The following PTPRD variants were observed in gnomAD, a reference collection of about 807,000 sequenced individuals.
PTPRD encodes protein tyrosine phosphatase receptor type D.
A neutral mutation model predicts 214.5 loss-of-function variants in PTPRD; 34 were observed. The ratio of observed to expected loss-of-function variants is 0.16; its 90% CI spans 0.12 to 0.21. The LOEUF is 0.21. PTPRD is among the 10% of genes least tolerant of loss of function. PTPRD has a pLI of 1.00. For synonymous variants in PTPRD, 1,128 were observed against 845.7 expected (o/e 1.33, Z -5.79); for missense variants, 2,545 against 2,398.7 (o/e 1.06, Z -1.27).
intron 14 of PTPRD, among the ~76,000 whole-genome samples, chr9:8,551,054 T>C (rs1350347416): frequency 1.3e-5 from 2 of 152,214 alleles, no homozygotes; most frequent in East Asian, 1.9e-4. Flanking sequence ...CAAATCCCTA[T>C]GAAAACATAT....
chr9:9,311,914 C>A (rs1959130778), intron 9 of PTPRD, among the ~76,000 whole-genome samples: 1 of 152,120 alleles, frequency 6.6e-6, no homozygotes, highest in Non-Finnish European at 1.5e-5. Context: ...TAATCTTGCA[C>A]ATTAACTTTT....
chr9:9,560,229 A>G (rs767652850), intron 8 of PTPRD, among the ~76,000 whole-genome samples: 9 of 152,162 alleles, frequency 5.9e-5, no homozygotes, highest in Non-Finnish European at 1.3e-4. Context: ...CAGGCACTAG[A>G]GGAAGTACAC....
chr9:9,267,226 G>T (rs1461108882), intron 9 of PTPRD, among the ~76,000 whole-genome samples: 1 of 150,860 alleles, frequency 6.6e-6, no homozygotes, highest in Non-Finnish European at 1.5e-5. Flanking sequence ...TGAAAGAAGA[G>T]ACATTACAAT....
chr9:8,619,741 C>T (rs749055665), intron 14 of PTPRD, among the ~76,000 whole-genome samples: 16 of 151,876 alleles, frequency 1.1e-4, no homozygotes, highest in Non-Finnish European at 2.2e-4. Context: ...TCAGCAGCCC[C>T]TCTTGGTGGA....
intron 7 of PTPRD, among the ~76,000 whole-genome samples, chr9:9,695,981 G>A (rs115564289): frequency 9.7e-4 from 147 of 152,060 alleles, no homozygotes; most frequent in African/African-American, 3.0e-3. Flanking sequence ...GTGTTAGTTC[G>A]TAAATATTGG....
chr9:10,609,695 G>C (rs528801066), intron 2 of PTPRD, among the ~76,000 whole-genome samples: 4 of 152,044 alleles, frequency 2.6e-5, no homozygotes, highest in Non-Finnish European at 5.9e-5. Context: ...AAAGAATAAA[G>C]CAAAAAAAGT....
chr9:10,003,443 T>C lies in PTPRD; in HGVS notation c.-472+30275A>G, dbSNP rs183448114. 1.9e-3 allele frequency among the ~76,000 whole-genome samples: 282 copies of C among 151,858 alleles called. 2 individuals are homozygous for C. Among genetic ancestry groups the C allele is most frequent in the African/African-American group, 6.3e-3 (260 of 41,528 alleles). On this transcript the variant is annotated intron_variant, in intron 4 of 45. Coordinates refer to ENST00000381196, the MANE Select transcript of PTPRD (RefSeq NM_002839.4). ...TTAAGAAAAATGGGTTGGAGATGAA[T>C]TAAGATTGAATATATATGAATCCAA...
chr9:9,567,858 A>T (rs1247364240), intron 8 of PTPRD, among the ~76,000 whole-genome samples: 1 of 151,958 alleles, frequency 6.6e-6, no homozygotes, highest in African/African-American at 2.4e-5. Context: ...GATAGAAGAG[A>T]TGTGAAAAGG....
intron 35 of PTPRD, among the ~76,000 whole-genome samples, chr9:8,435,138 G>A (rs1263655002): frequency 2.0e-5 from 3 of 152,200 alleles, no homozygotes; most frequent in Non-Finnish European, 4.4e-5. Flanking sequence ...GGCTCTTGAG[G>A]GTGGAGGTGA....
At chr9:8,756,291 G>A (rs758567402) in intron 11 of PTPRD, among the ~76,000 whole-genome samples, 1 of 152,122 alleles carries the variant, frequency 6.6e-6, no homozygotes, top group Non-Finnish European at 1.5e-5. Context: ...TTATATAATA[G>A]ATTTGCTAGG....
chr9:9,231,065 G>A (rs966205187), intron 9 of PTPRD, among the ~76,000 whole-genome samples: 4 of 151,780 alleles, frequency 2.6e-5, no homozygotes, highest in Non-Finnish European at 5.9e-5. Context: ...GGGGGAGGGG[G>A]GAATGGGTGT....
intron 11 of PTPRD, among the ~76,000 whole-genome samples, chr9:8,749,596 T>C (rs2154460225): frequency 6.6e-6 from 1 of 152,336 alleles, no homozygotes; most frequent in Middle Eastern, 3.4e-3. Flanking sequence ...CAACAAGACA[T>C]ATTATAACAC....
intron 5 of PTPRD, among the ~76,000 whole-genome samples, chr9:9,783,648 A>G (rs2098885116): frequency 6.6e-6 from 1 of 152,078 alleles, no homozygotes; most frequent in African/African-American, 2.4e-5. Flanking sequence ...AAAGAGCACA[A>G]GAACGCTACT....
At chr9:9,103,689 G>A (rs2099794510) in intron 10 of PTPRD, among the ~76,000 whole-genome samples, 1 of 152,078 alleles carries the variant, frequency 6.6e-6, no homozygotes, top group Non-Finnish European at 1.5e-5. Context: ...CATTAAAAGT[G>A]GAGCAATTTG....
chr9:9,762,594 A>C lies in PTPRD; in HGVS notation c.-326+4216T>G, dbSNP rs113261163. ...AATTTTATTGCTCATAAGTTCCACA[A>C]AACACTAGAACACTATTCAGCCAAG... is the stretch of plus-strand genomic sequence containing the variant. On this transcript the variant is annotated intron_variant, in intron 6 of 45. Coordinates refer to ENST00000381196, the MANE Select transcript of PTPRD (RefSeq NM_002839.4). Among the ~76,000 whole-genome samples, 720 of 152,324 alleles carry C rather than the reference A, an allele frequency of 4.7e-3. 6 individuals carry two copies. Among genetic ancestry groups the C allele is most frequent in the African/African-American group, 0.017 (687 of 41,576 alleles).
At chr9:8,710,099 G>C (rs971493177) in intron 12 of PTPRD, among the ~76,000 whole-genome samples, 2 of 152,138 alleles carry the variant, frequency 1.3e-5, no homozygotes, top group Non-Finnish European at 2.9e-5. Context: ...GTGAAGCAAG[G>C]TGCACGCACA....
At chr9:9,437,221 G>C (rs1381205133) in intron 8 of PTPRD, among the ~76,000 whole-genome samples, 1 of 152,084 alleles carries the variant, frequency 6.6e-6, no homozygotes, top group Non-Finnish European at 1.5e-5. Context: ...CCACATAACA[G>C]ATTTTATCAT....
chr9:10,479,652 A>AATAAATAC (rs66767934), intron 2 of PTPRD, among the ~76,000 whole-genome samples: 3 of 124,096 alleles, frequency 2.4e-5, no homozygotes, highest in South Asian at 2.3e-4. Context: ...TAAATAAATA[A>AATAAATAC]ATAAATAAAC....
intron 11 of PTPRD, among the ~76,000 whole-genome samples, chr9:8,801,248 T>A (rs1354087393): frequency 2.0e-5 from 3 of 152,170 alleles, no homozygotes; most frequent in Admixed American, 1.3e-4. Context: ...TAATTACTGG[T>A]TCTCAAATCT....
Sources: gnomAD v4.1 joint callset for allele counts (sites outside exome capture counted in the v4.1 genomes callset) on GRCh38, gnomAD v4.1.1 for gene constraint, MANE v1.5 for transcripts, NCBI Gene and HGNC (gene_info 2026-07-23, HGNC 2026-07-21) for gene names.